The following UNC13C variants were observed in gnomAD, a reference collection of about 807,000 sequenced individuals.
The protein encoded by UNC13C is unc-13 homolog C.
Under a neutral mutation model 245.4 loss-of-function variants are expected in UNC13C, and 174 were observed. The observed-to-expected ratio is 0.71, with a 90% CI of 0.63 to 0.80. The LOEUF (loss-of-function observed/expected upper bound fraction) is 0.80. Ranked by LOEUF, UNC13C falls within the 30% of genes least tolerant of loss-of-function variation. UNC13C has a pLI of 0.00. For synonymous variants in UNC13C, 992 were observed against 895.1 expected, an observed-to-expected ratio of 1.11 and a Z score of -1.93; for missense variants, 2,829 against 2,602.9, an observed-to-expected ratio of 1.09 and a Z score of -1.89.
chr15:54,088,521 T>G (rs534149544), intron 2 of UNC13C, among the ~76,000 whole-genome samples: 2 of 152,326 alleles, frequency 1.3e-5, no homozygotes, highest in South Asian at 4.1e-4. Flanking sequence ...TTCATTGTTT[T>G]TCACCAAGTC....
intron 4 of UNC13C, among the ~76,000 whole-genome samples, chr15:54,186,042 G>A (rs2033970481): frequency 6.6e-6 from 1 of 151,332 alleles, no homozygotes; most frequent in South Asian, 2.1e-4. Flanking sequence ...ATTGTGAATG[G>A]GAGTTCACTC....
chr15:54,337,683 G>A (rs2038621059), intron 16 of UNC13C, among the ~76,000 whole-genome samples: 1 of 152,086 alleles, frequency 6.6e-6, no homozygotes, highest in African/African-American at 2.4e-5. Context: ...CTCATAATTG[G>A]TCTTTCTATT....
At chr15:54,188,121 C>G (rs2034059514) in intron 4 of UNC13C, among the ~76,000 whole-genome samples, 1 of 152,144 alleles carries the variant, frequency 6.6e-6, no homozygotes, top group Admixed American at 6.6e-5. Context: ...CCCGGCCACA[C>G]TGTATGTTTT....
intron 4 of UNC13C, among the ~76,000 whole-genome samples, chr15:54,196,757 C>T (rs1396555969): frequency 2.0e-5 from 3 of 152,036 alleles, no homozygotes; most frequent in African/African-American, 7.2e-5. Flanking sequence ...AAAAGTCATT[C>T]AAGACTAAAA....
At chr15:54,202,934 T>C (rs375029898) in intron 4 of UNC13C, among the ~76,000 whole-genome samples, 285 of 152,096 alleles carry the variant, frequency 1.9e-3, no homozygotes, top group South Asian at 8.7e-3. Context: ...AAAGGACTAA[T>C]ATCCAGAGTT....
chr15:54,218,984 G>A (rs993295202), intron 4 of UNC13C, among the ~76,000 whole-genome samples: 3 of 151,570 alleles, frequency 2.0e-5, no homozygotes, highest in Non-Finnish European at 3.0e-5. Flanking sequence ...CCATGCTCAT[G>A]GGTAGGAAGA....
At chr15:54,242,234 G>T (rs561846556) in intron 7 of UNC13C, among the ~76,000 whole-genome samples, 1 of 152,138 alleles carries the variant, frequency 6.6e-6, no homozygotes, top group East Asian at 1.9e-4. Flanking sequence ...TCTGTATCTT[G>T]AAGGACTGGC....
intron 4 of UNC13C, among the ~76,000 whole-genome samples, chr15:54,150,005 G>A (rs118093735): frequency 0.014 from 2,137 of 152,288 alleles, 35 homozygotes; most frequent in Non-Finnish European, 0.016. Context: ...TCTGACAGGG[G>A]ATCCTGGAAC....
intron 2 of UNC13C, among the ~76,000 whole-genome samples, chr15:54,062,060 C>T (rs929510956): frequency 2.6e-5 from 4 of 152,068 alleles, no homozygotes; most frequent in Non-Finnish European, 4.4e-5. Context: ...TGGCTCACAC[C>T]TGTAATCCCA....
rs2035946662 is a variant in UNC13C, at chr15:54,244,701, G to C, written c.3229-5524G>C. 2.0e-5 allele frequency among the ~76,000 whole-genome samples: 3 copies of C among 152,172 alleles called. No individual in the cohort carries two copies. The South Asian group carries it at 6.2e-4, about 32-fold the overall frequency. ...AGGTCTTTCACTTCTTTTGTTAGTT[G>C]TATCGCTAGGTATTTTATTCTTTTT... On this transcript the variant is annotated intron_variant, in intron 7 of 32. Transcript: ENST00000260323.
the UNC13C span, among the ~76,000 whole-genome samples, chr15:53,963,068 T>G: frequency 6.6e-5 from 10 of 152,270 alleles, no homozygotes; most frequent in East Asian, 1.4e-3. Context: ...GTCCTAAATT[T>G]AAACTACAGA....
At chr15:54,041,576 G>A (rs1366716451) in intron 2 of UNC13C, among the ~76,000 whole-genome samples, 1 of 152,112 alleles carries the variant, frequency 6.6e-6, no homozygotes, top group Non-Finnish European at 1.5e-5. Flanking sequence ...AAGCTACATA[G>A]CATAGTAGTT....
chr15:54,245,510 A>C (rs2035968155), intron 7 of UNC13C, among the ~76,000 whole-genome samples: 1 of 152,188 alleles, frequency 6.6e-6, no homozygotes, highest in East Asian at 1.9e-4. Context: ...CTACAAAAAA[A>C]TCACCTGAAT....
Position 54,097,888 on chromosome 15 carries a change from A to T in UNC13C, c.2984-45130A>T, listed in dbSNP as rs1038991857. On this transcript the variant is annotated intron_variant, in intron 2 of 32. Transcript: ENST00000260323. The stretch of plus-strand genomic sequence containing the variant: ...TGATGGGAACAACACTCATTTATAC[A>T]TAGACTCTGGGGTTTTTAGAAAAGA... Among the ~76,000 whole-genome samples the T allele has an allele frequency of 5.9e-5, 9 of 152,378 alleles. No homozygotes were observed. In the East Asian group the frequency reaches 1.7e-3, roughly 29 times the overall value.
intron 17 of UNC13C, among the ~76,000 whole-genome samples, chr15:54,363,703 G>A (rs1228564782): frequency 6.6e-6 from 1 of 152,152 alleles, no homozygotes; most frequent in East Asian, 1.9e-4. Flanking sequence ...AAGTAGAACA[G>A]CTATAGCAAC....
At chr15:54,489,994 A>C (rs1424167628) in intron 19 of UNC13C, among the ~76,000 whole-genome samples, 4 of 152,200 alleles carry the variant, frequency 2.6e-5, no homozygotes, top group African/African-American at 9.6e-5. Context: ...AACTGGCAGA[A>C]TGGGCAAACA....
the UNC13C span, among the ~76,000 whole-genome samples, chr15:53,851,096 A>G: frequency 1.3e-5 from 2 of 152,032 alleles, no homozygotes; most frequent in East Asian, 1.9e-4. Context: ...TTGAGCATAT[A>G]TATCATATTT....
At chr15:54,067,025 A>T (rs1445436264) in intron 2 of UNC13C, among the ~76,000 whole-genome samples, 1 of 152,082 alleles carries the variant, frequency 6.6e-6, no homozygotes, top group African/African-American at 2.4e-5. Context: ...TTGTTTTGAC[A>T]GTCTTTTAGC....
chr15:54,488,859 T>G (rs1299752243), intron 19 of UNC13C, among the ~76,000 whole-genome samples: 1 of 152,222 alleles, frequency 6.6e-6, no homozygotes, highest in Non-Finnish European at 1.5e-5. Flanking sequence ...TGTAATGAGC[T>G]AGTTAAATCT....
Sources: allele counts gnomAD v4.1 joint callset (sites outside exome capture counted in the v4.1 genomes callset), GRCh38; gene constraint gnomAD v4.1.1; transcripts MANE v1.5; gene names NCBI Gene and HGNC (gene_info 2026-07-23, HGNC 2026-07-21).